Variants in SLC26A3 observed in about 807,000 individuals in gnomAD.
SLC26A3 encodes solute carrier family 26 member 3.
SLC26A3 carries 64 observed loss-of-function variants against 85.6 expected under a neutral mutation model. That is an observed-to-expected ratio of 0.75 (90% confidence interval 0.61 to 0.92). SLC26A3 has a LOEUF of 0.92. Among genes scored for constraint, SLC26A3 ranks in the 40% least tolerant of loss-of-function variants. The pLI is 0.00. For synonymous variants in SLC26A3, 349 were observed against 336.0 expected, an observed-to-expected ratio of 1.04 and a Z score of -0.42; for missense variants, 922 against 927.3, an observed-to-expected ratio of 0.99 and a Z score of 0.07.
intron 18 of SLC26A3, among the ~76,000 whole-genome samples, chr7:107,771,695 C>T (rs1000201976): frequency 1.3e-5 from 2 of 152,278 alleles, no homozygotes; most frequent in East Asian, 3.9e-4. Context: ...AGGATGGTCT[C>T]ATCAGCAGGT....
intron 3 of SLC26A3, 69 bp downstream of exon 3, chr7:107,793,673 G>T: frequency 8.1e-7 from 1 of 1,227,510 alleles, no homozygotes; most frequent in Non-Finnish European, 1.2e-6. Context: ...TATACGAAAA[G>T]TCCCTGAGCT....
At chr7:107,793,650 A>C in intron 3 of SLC26A3, 92 bp downstream of exon 3, 1 of 966,618 alleles carries the variant, frequency 1.0e-6, no homozygotes, top group Non-Finnish European at 1.6e-6. Context: ...TGACAGATGC[A>C]CAACCTAGTG....
chr7:107,780,121 G>A (rs758648719), intron 11 of SLC26A3, among the ~76,000 whole-genome samples: 5 of 151,772 alleles, frequency 3.3e-5, no homozygotes, highest in Non-Finnish European at 7.4e-5. Flanking sequence ...ACAGTCTAAT[G>A]TGTGTTTGTT....
chr7:107,770,241 T>C, intron 18 of SLC26A3, among the ~76,000 whole-genome samples: 4 of 61,200 alleles, frequency 6.5e-5, no homozygotes, highest in Non-Finnish European at 1.2e-4. Flanking sequence ...TTTTTTTTTT[T>C]TTTTTTTTTT....
In SLC26A3 at chr7:107,791,918, G is replaced by A. The variant is rs368890058; in HGVS notation, c.294C>T (p.Val98=). ...VLQGLAFALL[V]DIPPVYGLYA... is the part of the protein sequence containing the mutation. ...ACAACCCATAGACTGGGGGAATGTC[G>A]ACCAGCAGAGCAAATGCTAAACCTG... The change falls in exon 4 of 21, where the codon GTC becomes GTT. Residue 98 remains valine, a synonymous_variant. Transcript: ENST00000340010. 4.2e-5 allele frequency: 68 copies of A among 1,612,224 alleles called. No individual in the cohort carries two copies. Among genetic ancestry groups the A allele is most frequent in the Admixed American group, 8.3e-5 (5 of 59,984 alleles).
intron 15 of SLC26A3, 60 bp from the exon 16 acceptor site, chr7:107,774,932 G>C (rs1016806845): frequency 7.9e-7 from 1 of 1,259,634 alleles, no homozygotes; most frequent in Non-Finnish European, 1.2e-6. Context: ...ATATAGCATA[G>C]TTCTAACAAC....
Position 107,794,523 on chromosome 7 carries a change from T to C in SLC26A3, c.-14A>G, listed in dbSNP as rs1794462530. 6.2e-7 allele frequency: 1 copy of C among 1,613,938 alleles called. No homozygotes were observed. Among genetic ancestry groups the C allele is most frequent in the Non-Finnish European group, 8.5e-7 (1 of 1,179,826 alleles). On this transcript the variant is annotated 5_prime_UTR_variant, in exon 2 of 21. Coordinates refer to ENST00000340010, the MANE Select transcript of SLC26A3 (RefSeq NM_000111.3). ...GGGTTCAATCATTTTGATTTTTCTG[T>C]TGGCTGTGGCAAGTTGAAGACCTTT...
intron 8 of SLC26A3, among the ~76,000 whole-genome samples, chr7:107,785,911 A>C (rs1180388517): frequency 1.3e-5 from 2 of 152,240 alleles, no homozygotes; most frequent in Non-Finnish European, 2.9e-5. Flanking sequence ...AAACAAAACA[A>C]AACAAAACAG....
At chr7:107,769,579 G>A (rs1393448918) in intron 18 of SLC26A3, among the ~76,000 whole-genome samples, 1 of 152,098 alleles carries the variant, frequency 6.6e-6, no homozygotes, top group Non-Finnish European at 1.5e-5. Flanking sequence ...CCTATCGGAG[G>A]GTGAAGGGTG....
rs752443968 is a variant in SLC26A3, at chr7:107,789,610, C to G, written c.649G>C (p.Ala217Pro). The change falls in exon 6 of 21, where the codon GCT becomes CCT. Residue 217 changes from alanine (A) to proline (P), a missense_variant. By Grantham distance (27) the Ala-to-Pro change is conservative (BLOSUM62 -1). Coordinates refer to ENST00000340010, the MANE Select transcript of SLC26A3 (RefSeq NM_000111.3). Reference sequence around the variant, plus strand: ...TGGGAAACCAAAACATGAACAGCAGCAGCAGTAGTGAAGCCACTGATGAGG... The same window carrying G: ...TGGGAAACCAAAACATGAACAGCAGGAGCAGTAGTGAAGCCACTGATGAGG... Reference protein sequence around the residue: ...ESLISGFTTAAAVHVLVSQLK... With the variant: ...ESLISGFTTAPAVHVLVSQLK... The G allele has an allele frequency of 2.5e-6, 4 of 1,614,020 alleles. No individual in the cohort carries two copies. The South Asian group carries it at 4.4e-5, about 18-fold the overall frequency.
intron 18 of SLC26A3, among the ~76,000 whole-genome samples, chr7:107,769,029 T>C (rs1435378457): frequency 2.0e-5 from 3 of 152,080 alleles, no homozygotes; most frequent in Non-Finnish European, 4.4e-5. Context: ...TTCCAAAATA[T>C]CTGGGATGAT....
intron 8 of SLC26A3, among the ~76,000 whole-genome samples, chr7:107,784,690 C>T (rs1472158201): frequency 6.6e-6 from 1 of 152,194 alleles, no homozygotes; most frequent in Non-Finnish European, 1.5e-5. Flanking sequence ...CCTCGACCTC[C>T]CAACGTGCTG....
At chr7:107,794,024 C>T in intron 2 of SLC26A3, 143 bp from the exon 3 acceptor site, 1 of 1,112,378 alleles carries the variant, frequency 9.0e-7, no homozygotes, top group Non-Finnish European at 1.3e-6. Flanking sequence ...TACCCATAAT[C>T]AGCTGCCCTC....
At position 107,791,208 on chromosome 7, in the gene SLC26A3, A is replaced by G; in HGVS notation, c.410T>C (p.Val137Ala). Residue 137 changes from valine to alanine, a missense_variant, in exon 5 of 21, where the codon GTG becomes GCG. Coordinates refer to ENST00000340010, the MANE Select transcript of SLC26A3 (RefSeq NM_000111.3). Reference sequence around the variant, plus strand: ...AACTGCTCCTGAAACTGCTAGTCCCACCATCATACTCAGAATCGGAAACGG... The same window carrying G: ...AACTGCTCCTGAAACTGCTAGTCCCGCCATCATACTCAGAATCGGAAACGG... The part of the protein sequence containing the change: ...VGPFPILSMM[V>A]GLAVSGAVSK... 6.2e-7 allele frequency: 1 copy of G among 1,614,220 alleles called. No individual in the cohort carries two copies. The highest frequency in any genetic ancestry group is 8.5e-7 in the Non-Finnish European group (1 of 1,180,044).
chr7:107,791,349 C>T (rs1467602452), intron 4 of SLC26A3, 114 bp from the exon 5 acceptor site: 26 of 1,144,296 alleles, frequency 2.3e-5, no homozygotes, highest in African/African-American at 4.6e-5. Context: ...TGGTGGCTCA[C>T]GCCTGTAATC....
chr7:107,769,517 G>A (rs921658584), intron 18 of SLC26A3, among the ~76,000 whole-genome samples: 1 of 152,168 alleles, frequency 6.6e-6, no homozygotes, highest in Non-Finnish European at 1.5e-5. Flanking sequence ...ATAAGTGGGA[G>A]CTAAATGATG....
chr7:107,798,195 T>A (rs1004772799), intron 1 of SLC26A3, among the ~76,000 whole-genome samples: 1 of 152,176 alleles, frequency 6.6e-6, no homozygotes, highest in African/African-American at 2.4e-5. Context: ...TATACCTACA[T>A]ATCTTGGTGC....
rs557021959 is a variant in SLC26A3, at chr7:107,772,146, T to C, written c.2008-38A>G. The stretch of plus-strand genomic sequence containing the variant: ...AAAGTATATCTTCCTTAGGGAACAG[T>C]TTCACTTGTCAGAAATATAAAGAAA... On this transcript the variant is annotated intron_variant, in intron 17 of 20. Coordinates refer to ENST00000340010, the MANE Select transcript of SLC26A3 (RefSeq NM_000111.3). 4 of 1,178,316 alleles carry C rather than the reference T, an allele frequency of 3.4e-6. No homozygotes were observed. The South Asian group carries it at 4.9e-5, about 14-fold the overall frequency. 73.0% of individuals were successfully genotyped at this position (1,178,316 alleles called of 1,614,324 possible). A position where few individuals can be genotyped will look rare whatever the true frequency, so the allele number is the denominator to read the frequency against.
chr7:107,776,801 A>C, intron 13 of SLC26A3, 95 bp from the exon 14 acceptor site: 14 of 1,126,654 alleles, frequency 1.2e-5, no homozygotes, highest in East Asian at 2.4e-5. Flanking sequence ...AAGCAGGCTC[A>C]CTTTTCAAAA....
Sources: allele counts gnomAD v4.1 joint callset (sites outside exome capture counted in the v4.1 genomes callset), GRCh38; gene constraint gnomAD v4.1.1; transcripts MANE v1.5; gene names NCBI Gene and HGNC (gene_info 2026-07-23, HGNC 2026-07-21).